Variants in DOCK3 observed in about 807,000 individuals in gnomAD.
The protein encoded by DOCK3 is dedicator of cytokinesis 3.
DOCK3 carries 60 observed loss-of-function variants against 265.6 expected under a neutral mutation model. The observed-to-expected ratio is 0.23, with a 90% CI of 0.18 to 0.28. The LOEUF is 0.28. Ranked by LOEUF, DOCK3 falls within the 10% of genes least tolerant of loss-of-function variation. The probability of loss-of-function intolerance (pLI) is 1.00; values close to 1 mark genes in which losing one functional copy is unlikely to be tolerated. For synonymous variants in DOCK3, 881 were observed against 938.0 expected, an observed-to-expected ratio of 0.94 and a Z score of 1.11; for missense variants, 1,981 against 2,594.3, an observed-to-expected ratio of 0.76 and a Z score of 5.14.
chr3:51,364,918 A>G (rs558724319), intron 49 of DOCK3, among the ~76,000 whole-genome samples: 2 of 152,332 alleles, frequency 1.3e-5, no homozygotes, highest in Non-Finnish European at 2.9e-5. Context: ...AGATAGTATG[A>G]TGCCTCCAGC....
chr3:50,854,475 G>T (rs543044688), intron 3 of DOCK3, among the ~76,000 whole-genome samples: 1 of 148,596 alleles, frequency 6.7e-6, no homozygotes, highest in East Asian at 2.0e-4. Context: ...CTGTCATCCA[G>T]GCTGGAGTAC....
At chr3:51,197,559 G>T (rs1576379346) in intron 12 of DOCK3, among the ~76,000 whole-genome samples, 1 of 152,256 alleles carries the variant, frequency 6.6e-6, no homozygotes, top group Non-Finnish European at 1.5e-5. Context: ...AAGTACTCAG[G>T]TGCCCAAAGT....
intron 49 of DOCK3, among the ~76,000 whole-genome samples, chr3:51,364,263 C>T (rs1172303572): frequency 6.6e-6 from 1 of 152,176 alleles, no homozygotes; most frequent in Non-Finnish European, 1.5e-5. Context: ...TTTCATGTGT[C>T]TGTTGGCTGC....
chr3:51,259,933 T>C (rs1337143924), intron 22 of DOCK3, among the ~76,000 whole-genome samples: 2 of 152,228 alleles, frequency 1.3e-5, no homozygotes, highest in Non-Finnish European at 2.9e-5. Flanking sequence ...TGTGAAATTA[T>C]TTGATGATTC....
At chr3:50,985,601 G>C (rs9850361) in intron 5 of DOCK3, among the ~76,000 whole-genome samples, 151,680 of 152,172 alleles carry the variant, frequency 1, 75,601 homozygotes, top group Middle Eastern at 1. Flanking sequence ...ATTAGGCTAC[G>C]CATTTAAAAT....
intron 5 of DOCK3, among the ~76,000 whole-genome samples, chr3:51,035,437 A>C (rs2080229225): frequency 6.6e-6 from 1 of 151,980 alleles, no homozygotes; most frequent in Non-Finnish European, 1.5e-5. Context: ...CTTTTTTATA[A>C]TTTCTTTTGA....
Position 50,796,981 on chromosome 3 carries a change from G to A in DOCK3, c.121+18223G>A, listed in dbSNP as rs977319671. ...AATCCACTGTGCTGGTGGGGGTGGG[G>A]GCTGAGGTGCTCCTGGAACACAGGT... On this transcript the variant is annotated intron_variant, in intron 2 of 52. Coordinates refer to ENST00000266037, the MANE Select transcript of DOCK3 (RefSeq NM_004947.5). 5.9e-5 allele frequency among the ~76,000 whole-genome samples: 9 copies of A among 151,908 alleles called. No individual in the cohort carries two copies. In the East Asian group the frequency reaches 9.7e-4, roughly 16 times the overall value.
At chr3:50,851,281 G>C (rs1014351428) in intron 3 of DOCK3, among the ~76,000 whole-genome samples, 1 of 152,064 alleles carries the variant, frequency 6.6e-6, no homozygotes, top group Admixed American at 6.5e-5. Context: ...AGAGGGGTGG[G>C]GCAACTCAGG....
chr3:51,076,049 T>TG lies in DOCK3; in HGVS notation c.549+610dup, dbSNP rs750722133. 9.8e-5 allele frequency among the ~76,000 whole-genome samples: 15 copies of TG among 152,328 alleles called. No individual in the cohort carries two copies. The East Asian group carries it at 1.2e-3, about 12-fold the overall frequency. On this transcript the variant is annotated intron_variant, in intron 7 of 52. Coordinates refer to ENST00000266037, the MANE Select transcript of DOCK3 (RefSeq NM_004947.5). ...CTCATCTTGAAGAGTATGTATTTGA[T>TG]GAGTATATATTGGTGAGATTTATAA...
chr3:51,269,533 C>A (rs2080386389), intron 23 of DOCK3, among the ~76,000 whole-genome samples: 1 of 152,058 alleles, frequency 6.6e-6, no homozygotes, highest in African/African-American at 2.4e-5. Flanking sequence ...GAATAAAGAC[C>A]ACAGCACAAG....
At chr3:50,809,517 C>A (rs2043618641) in intron 2 of DOCK3, among the ~76,000 whole-genome samples, 1 of 152,208 alleles carries the variant, frequency 6.6e-6, no homozygotes, top group Non-Finnish European at 1.5e-5. Context: ...GCACTATATA[C>A]TATAGCTGAA....
At chr3:51,060,949 A>G (rs1373155913) in intron 5 of DOCK3, among the ~76,000 whole-genome samples, 1 of 152,244 alleles carries the variant, frequency 6.6e-6, no homozygotes, top group Non-Finnish European at 1.5e-5. Flanking sequence ...CAGCCAACAG[A>G]CACATGAAAA....
At chr3:50,956,858 T>G (rs530599052) in intron 5 of DOCK3, among the ~76,000 whole-genome samples, 32 of 152,112 alleles carry the variant, frequency 2.1e-4, no homozygotes, top group South Asian at 6.2e-4. Context: ...GTATTGTATT[T>G]TATTTTATTT....
chr3:51,357,245 A>G (rs1332399183), intron 44 of DOCK3, 104 bp downstream of exon 44: 2 of 1,290,346 alleles, frequency 1.5e-6, no homozygotes, highest in East Asian at 4.7e-5. Context: ...AGCCTTCCCT[A>G]CATGCCCTCT....
chr3:51,127,925 T>C (rs1260988386), intron 9 of DOCK3, among the ~76,000 whole-genome samples: 1 of 152,224 alleles, frequency 6.6e-6, no homozygotes. Flanking sequence ...GGGTCTCCTG[T>C]ATTCCATGCT....
chr3:51,361,578 C>A lies in DOCK3; in HGVS notation c.5007-281C>A, dbSNP rs553346464. On this transcript the variant is annotated intron_variant, in intron 47 of 52. Coordinates refer to ENST00000266037, the MANE Select transcript of DOCK3 (RefSeq NM_004947.5). The surrounding 1 kb of genome is among the most constrained non-coding windows in gnomAD (Gnocchi z 4.2). ...CATATCTCTTATTCCTCCTGAGAAA[C>A]TGCTAATGTCATGCAACTGAGTGGC... 4.6e-5 allele frequency among the ~76,000 whole-genome samples: 7 copies of A among 152,242 alleles called. No individual in the cohort carries two copies. Among genetic ancestry groups the A allele is most frequent in the Non-Finnish European group, 7.4e-5 (5 of 67,992 alleles).
chr3:50,843,629 A>G (rs1480514451), intron 3 of DOCK3, among the ~76,000 whole-genome samples: 3 of 152,180 alleles, frequency 2.0e-5, no homozygotes, highest in African/African-American at 4.8e-5. Flanking sequence ...CACTACTCTA[A>G]AGAATGTTAG....
intron 4 of DOCK3, among the ~76,000 whole-genome samples, chr3:50,931,276 C>CT (rs2051053360): frequency 6.6e-6 from 1 of 152,226 alleles, no homozygotes; most frequent in Non-Finnish European, 1.5e-5. Flanking sequence ...CTTCTAGGAA[C>CT]TTCACTTTCT....
intron 5 of DOCK3, among the ~76,000 whole-genome samples, chr3:51,026,963 A>C (rs1239750024): frequency 6.6e-6 from 1 of 150,824 alleles, no homozygotes; most frequent in South Asian, 2.1e-4. Context: ...TATTTTGTTC[A>C]GTTCTCTGAT....
Sources: gnomAD v4.1 joint callset for allele counts (sites outside exome capture counted in the v4.1 genomes callset) on GRCh38, gnomAD v4.1.1 for gene constraint, Gnocchi (gnomAD v3.1) non-coding constraint, MANE v1.5 for transcripts, NCBI Gene and HGNC (gene_info 2026-07-23, HGNC 2026-07-21) for gene names.